The following GLIS3 variants were observed in gnomAD, a reference collection of about 807,000 sequenced individuals.
GLIS3 encodes the protein zinc finger protein GLIS3.
GLIS3 carries 53 observed loss-of-function variants against 78.6 expected under a neutral mutation model. The ratio of observed to expected loss-of-function variants is 0.67; its 90% CI spans 0.54 to 0.85. GLIS3 has a LOEUF of 0.85. Among genes scored for constraint, GLIS3 ranks in the 40% least tolerant of loss-of-function variants. GLIS3 has a pLI of 0.00. For missense variants in GLIS3, 1,703 were observed against 1,231.1 expected (o/e 1.38, Z -5.74); for synonymous variants, 684 against 509.9 (o/e 1.34, Z -4.60).
the GLIS3 span, among the ~76,000 whole-genome samples, chr9:4,446,013 G>A: frequency 6.6e-6 from 1 of 152,132 alleles, no homozygotes; most frequent in Non-Finnish European, 1.5e-5. Flanking sequence ...TTTAATATAT[G>A]AAATCTCCCA....
At chr9:4,434,462 AAAAT>A in the GLIS3 span, among the ~76,000 whole-genome samples, 4 of 152,232 alleles carry the variant, frequency 2.6e-5, no homozygotes, top group African/African-American at 9.6e-5. Context: ...TGAGACATTA[AAAAT>A]AATAGAAGCT....
chr9:4,480,485 G>A, the GLIS3 span, among the ~76,000 whole-genome samples: 1 of 152,124 alleles, frequency 6.6e-6, no homozygotes, highest in African/African-American at 2.4e-5. Context: ...ATAGGCATGG[G>A]CCACCATGCC....
chr9:3,837,614 T>A (rs1423013074), intron 9 of GLIS3, among the ~76,000 whole-genome samples: 1 of 152,170 alleles, frequency 6.6e-6, no homozygotes, highest in Non-Finnish European at 1.5e-5. Flanking sequence ...TATTAAGCCA[T>A]GAAAAGACAC....
intron 4 of GLIS3, among the ~76,000 whole-genome samples, chr9:3,979,543 G>A (rs1819068725): frequency 6.6e-6 from 1 of 152,150 alleles, no homozygotes; most frequent in Non-Finnish European, 1.5e-5. Flanking sequence ...TCCTCTATGT[G>A]CTTCAGTTTC....
At chr9:4,284,355 T>TA (rs543944484) in intron 2 of GLIS3, among the ~76,000 whole-genome samples, 3 of 152,058 alleles carry the variant, frequency 2.0e-5, no homozygotes, top group Non-Finnish European at 4.4e-5. Context: ...CAAGTACATA[T>TA]AAAAGCAAGC....
chr9:4,308,067 C>T (rs546971904), intron 4 of GLIS3, among the ~76,000 whole-genome samples: 2 of 152,282 alleles, frequency 1.3e-5, no homozygotes, highest in South Asian at 2.1e-4. Flanking sequence ...ACTGTCCTTA[C>T]AGTATTTAAT....
chr9:4,168,572 A>G (rs1332532791), intron 2 of GLIS3, among the ~76,000 whole-genome samples: 1 of 152,220 alleles, frequency 6.6e-6, no homozygotes, highest in African/African-American at 2.4e-5. Flanking sequence ...ATTATCCTGA[A>G]TATTATGTGC....
At chr9:4,357,273 G>T in the GLIS3 span, among the ~76,000 whole-genome samples, 1 of 152,218 alleles carries the variant, frequency 6.6e-6, no homozygotes, top group Non-Finnish European at 1.5e-5. Context: ...TGAATCAGTA[G>T]ATTGAATAAA....
chr9:4,295,657 T>C (rs1487916645), intron 1 of GLIS3, among the ~76,000 whole-genome samples: 4 of 152,214 alleles, frequency 2.6e-5, no homozygotes, highest in African/African-American at 4.8e-5. Context: ...GAGATGTTTC[T>C]GGTGTGTTGA....
chr9:4,306,947 G>A (rs575043688), intron 4 of GLIS3, among the ~76,000 whole-genome samples: 7 of 152,344 alleles, frequency 4.6e-5, no homozygotes, highest in East Asian at 1.9e-4. Context: ...AGCAGATTGC[G>A]TAAGTCAGAA....
At chr9:3,894,594 G>A (rs1286093864) in intron 7 of GLIS3, among the ~76,000 whole-genome samples, 1 of 152,020 alleles carries the variant, frequency 6.6e-6, no homozygotes, top group Admixed American at 6.5e-5. Context: ...TATTGTAAGA[G>A]AGAAGCCGTC....
chr9:3,832,489 C>G (rs1230551485), intron 9 of GLIS3, among the ~76,000 whole-genome samples: 1 of 152,154 alleles, frequency 6.6e-6, no homozygotes, highest in Non-Finnish European at 1.5e-5. Context: ...CAATCCTGCA[C>G]TAATTGACAC....
At chr9:3,845,356 A>C (rs1272304220) in intron 9 of GLIS3, among the ~76,000 whole-genome samples, 1 of 152,192 alleles carries the variant, frequency 6.6e-6, no homozygotes, top group African/African-American at 2.4e-5. Context: ...ATAACAGGGC[A>C]TATGGGCATA....
At chr9:4,341,580 A>C (rs765475079) in intron 2 of GLIS3, among the ~76,000 whole-genome samples, 2 of 151,998 alleles carry the variant, frequency 1.3e-5, no homozygotes, top group Non-Finnish European at 2.9e-5. Context: ...GCACTTCCTC[A>C]CCTATACTCA....
chr9:3,935,562 T>C (rs1825853893), intron 5 of GLIS3, among the ~76,000 whole-genome samples: 1 of 152,182 alleles, frequency 6.6e-6, no homozygotes, highest in African/African-American at 2.4e-5. Flanking sequence ...TCTTGCAACC[T>C]ACAGATAACT....
chr9:4,484,827 AG>A, the GLIS3 span, among the ~76,000 whole-genome samples: 7 of 152,284 alleles, frequency 4.6e-5, no homozygotes, highest in Admixed American at 4.6e-4. Flanking sequence ...TCGTCTTTGT[AG>A]AACCAATGAA....
chr9:4,072,275 C>G (rs966462913), intron 4 of GLIS3, among the ~76,000 whole-genome samples: 3 of 152,164 alleles, frequency 2.0e-5, no homozygotes, highest in African/African-American at 7.2e-5. Flanking sequence ...TCACATACAA[C>G]TCAAACCCGT....
the GLIS3 span, among the ~76,000 whole-genome samples, chr9:4,394,157 GT>G: frequency 0.072 from 10,991 of 151,874 alleles, 519 homozygotes; most frequent in Middle Eastern, 0.11. Context: ...ATTGCTAACC[GT>G]GAGGACCCAG....
At chr9:4,350,525 T>C (rs893925231), upstream of GLIS3, among the ~76,000 whole-genome samples, 1 of 152,220 alleles carries the variant, frequency 6.6e-6, no homozygotes, top group African/African-American at 2.4e-5. Context: ...ACTATATCTC[T>C]CTGAAATTTT....
Sources: gnomAD v4.1 joint callset for allele counts (sites outside exome capture counted in the v4.1 genomes callset) on GRCh38, gnomAD v4.1.1 for gene constraint, MANE v1.5 for transcripts, NCBI Gene and HGNC (gene_info 2026-07-23, HGNC 2026-07-21) for gene names.